Variants in HMGA2 observed in about 807,000 individuals in gnomAD.
HMGA2 encodes high mobility group AT-hook 2.
A neutral mutation model predicts 19.1 loss-of-function variants in HMGA2; 8 were observed. The observed-to-expected ratio is 0.42, with a 90% CI of 0.25 to 0.76. The LOEUF is 0.76. Among genes scored for constraint, HMGA2 ranks in the 30% least tolerant of loss-of-function variants. The probability of loss-of-function intolerance (pLI) is 0.28; values close to 1 mark genes in which losing one functional copy is unlikely to be tolerated. For synonymous variants in HMGA2, 60 were observed against 48.8 expected, an observed-to-expected ratio of 1.23 and a Z score of -0.96; for missense variants, 109 against 136.3, an observed-to-expected ratio of 0.80 and a Z score of 1.00.
intron 3 of HMGA2, among the ~76,000 whole-genome samples, chr12:65,926,469 C>T (rs540757916): frequency 2.0e-5 from 3 of 152,292 alleles, no homozygotes; most frequent in East Asian, 3.9e-4. Context: ...CTTTCAAGGC[C>T]AGTTCACAAG....
chr12:65,840,200 C>A (rs575281359), intron 3 of HMGA2, among the ~76,000 whole-genome samples: 1 of 152,184 alleles, frequency 6.6e-6, no homozygotes, highest in South Asian at 2.1e-4. Context: ...TTCCAGTTAT[C>A]GATTGCTGCA....
chr12:65,933,262 G>A (rs371891567), intron 3 of HMGA2, among the ~76,000 whole-genome samples: 4 of 152,046 alleles, frequency 2.6e-5, no homozygotes, highest in East Asian at 1.9e-4. Flanking sequence ...TCCGTGCTTC[G>A]TAAACATGGT....
chr12:65,960,667 A>G (rs954345507), intron 4 of HMGA2, among the ~76,000 whole-genome samples: 44 of 152,240 alleles, frequency 2.9e-4, no homozygotes, highest in African/African-American at 1.1e-3. Context: ...TGTGAGAGCC[A>G]CATTGCCTCC....
intron 3 of HMGA2, among the ~76,000 whole-genome samples, chr12:65,919,739 T>C (rs752834540): frequency 5.3e-5 from 8 of 152,340 alleles, no homozygotes; most frequent in South Asian, 2.1e-4. Flanking sequence ...TGGAATCAAA[T>C]AGGTGGCAGA....
At chr12:65,889,420 A>G (rs1284888718) in intron 3 of HMGA2, among the ~76,000 whole-genome samples, 1 of 152,234 alleles carries the variant, frequency 6.6e-6, no homozygotes, top group Non-Finnish European at 1.5e-5. Flanking sequence ...TTTGTAGTAA[A>G]TATATTGTAA....
intron 3 of HMGA2, among the ~76,000 whole-genome samples, chr12:65,860,888 T>C (rs1054647547): frequency 1.3e-5 from 2 of 152,168 alleles, no homozygotes; most frequent in African/African-American, 2.4e-5. Flanking sequence ...TGGAAAATAT[T>C]CTCAAAGATA....
intron 3 of HMGA2, among the ~76,000 whole-genome samples, chr12:65,855,157 C>T (rs1279333339): frequency 6.6e-6 from 1 of 152,106 alleles, no homozygotes; most frequent in African/African-American, 2.4e-5. Context: ...CCTGTTTCGT[C>T]CTGAAGTTGT....
At chr12:65,827,140 G>A (rs2120822458) in intron 1 of HMGA2, 1 of 152,272 alleles carries the variant, frequency 6.6e-6, no homozygotes, top group South Asian at 2.1e-4. Flanking sequence ...TGGCATAGGA[G>A]CCATTTAAAG....
intron 3 of HMGA2, among the ~76,000 whole-genome samples, chr12:65,873,036 C>A (rs1379358182): frequency 6.6e-6 from 1 of 152,174 alleles, no homozygotes; most frequent in East Asian, 1.9e-4. Context: ...CAACACATCT[C>A]CCAAGACCCA....
intron 3 of HMGA2, among the ~76,000 whole-genome samples, chr12:65,929,330 T>C (rs1875625885): frequency 6.6e-6 from 1 of 152,056 alleles, no homozygotes; most frequent in African/African-American, 2.4e-5. Context: ...GACTATAAAA[T>C]GTAAAAACCT....
rs1196229707 is a variant in HMGA2, at chr12:65,965,522, C to A, written c.*2230C>A. On this transcript the variant is annotated 3_prime_UTR_variant, in exon 5 of 5. Coordinates refer to ENST00000403681, the MANE Select transcript of HMGA2 (RefSeq NM_003483.6). Reference sequence around the variant, plus strand: ...GGGAGGTAGTTTCAAAGGCCACATACCTCTCTGAGACTGGCAGATCGCTCA... The same window carrying A: ...GGGAGGTAGTTTCAAAGGCCACATAACTCTCTGAGACTGGCAGATCGCTCA... 4.8e-6 allele frequency: 1 copy of A among 209,652 alleles called. No individual in the cohort carries two copies. Among genetic ancestry groups the A allele is most frequent in the African/African-American group, 2.3e-5 (1 of 43,942 alleles). The allele number at this position is 209,652 out of a possible 1,614,324, so 13.0% of individuals were successfully genotyped here.
chr12:65,862,866 C>CT (rs1438172534), intron 3 of HMGA2, among the ~76,000 whole-genome samples: 1 of 152,196 alleles, frequency 6.6e-6, no homozygotes, highest in East Asian at 1.9e-4. Context: ...ATGGGGACCA[C>CT]TGCACACAAA....
chr12:65,827,590 G>A (rs1938904225), intron 1 of HMGA2, among the ~76,000 whole-genome samples: 1 of 152,184 alleles, frequency 6.6e-6, no homozygotes, highest in Admixed American at 6.5e-5. Flanking sequence ...TGTGATGGTA[G>A]CTTCGTATTT....
At chr12:65,860,207 A>G (rs1397599399) in intron 3 of HMGA2, 6 of 246,898 alleles carry the variant, frequency 2.4e-5, no homozygotes, top group Non-Finnish European at 5.3e-5. Context: ...TACACTGCCT[A>G]CAGTCTGAGA....
chr12:65,948,295 C>CA, intron 3 of HMGA2: 1 of 152,192 alleles, frequency 6.6e-6, no homozygotes, highest in Non-Finnish European at 1.5e-5. Flanking sequence ...TAATATGTAT[C>CA]ATTGATGTTA....
At chr12:65,832,511 T>C (rs1870522638) in intron 2 of HMGA2, among the ~76,000 whole-genome samples, 1 of 151,986 alleles carries the variant, frequency 6.6e-6, no homozygotes. Flanking sequence ...CAGTTCTTTC[T>C]TGAGAATAGA....
intron 3 of HMGA2, chr12:65,881,881 G>A (rs1303219965): frequency 2.8e-6 from 2 of 702,840 alleles, no homozygotes; most frequent in African/African-American, 1.7e-5. Flanking sequence ...GGTGGCCCGA[G>A]AGAGCCCCGG....
At chr12:65,926,840 TG>T (rs1424626795) in intron 3 of HMGA2, among the ~76,000 whole-genome samples, 1 of 152,130 alleles carries the variant, frequency 6.6e-6, no homozygotes, top group Non-Finnish European at 1.5e-5. Context: ...GAGAGAGGTT[TG>T]GGTGACAGAA....
intron 3 of HMGA2, among the ~76,000 whole-genome samples, chr12:65,939,595 A>AT (rs1220895314): frequency 6.6e-6 from 1 of 152,160 alleles, no homozygotes; most frequent in Non-Finnish European, 1.5e-5. Context: ...ACCTCAGGTG[A>AT]TCCCCCTGCC....
Sources: allele counts gnomAD v4.1 joint callset (sites outside exome capture counted in the v4.1 genomes callset), GRCh38; gene constraint gnomAD v4.1.1; transcripts MANE v1.5; gene names NCBI Gene and HGNC (gene_info 2026-07-23, HGNC 2026-07-21).